Variants in SFRP5 observed in about 807,000 individuals in gnomAD.
SFRP5 encodes the protein secreted frizzled related protein 5.
SFRP5 carries 22 observed loss-of-function variants against 27.0 expected under a neutral mutation model. That is an observed-to-expected ratio of 0.82 (90% CI 0.58 to 1.17). The LOEUF (loss-of-function observed/expected upper bound fraction) is 1.17. SFRP5 is among the 50% of genes most tolerant of loss of function. SFRP5 has a pLI of 0.00. For missense variants in SFRP5, 406 were observed against 436.6 expected, an observed-to-expected ratio of 0.93 and a Z score of 0.63; for synonymous variants, 171 against 195.0, an observed-to-expected ratio of 0.88 and a Z score of 1.03.
At position 97,767,679 on chromosome 10, in the gene SFRP5, G is replaced by A; in HGVS notation, c.789C>T (p.Gly263=). The change falls in exon 3 of 3, where the codon GGC becomes GGT. Residue 263 remains glycine, a synonymous_variant. Transcript: ENST00000266066. ...CPCPQLDSLA[G]SFLVMGRKVD... is the part of the protein sequence containing the mutation. ...CTTTGCGGCCCATGACCAGGAAGCT[G>A]CCCGCCAGGCTGTCCAGCTGTGGGC... is the stretch of plus-strand genomic sequence containing the variant. The A allele has an allele frequency of 6.2e-7, 1 of 1,614,116 alleles. No homozygotes were observed. Among genetic ancestry groups the A allele is most frequent in the Non-Finnish European group, 8.5e-7 (1 of 1,180,042 alleles).
intron 2 of SFRP5, among the ~76,000 whole-genome samples, chr10:97,769,062 T>C (rs2049501302): frequency 6.6e-6 from 1 of 152,196 alleles, no homozygotes; most frequent in South Asian, 2.1e-4. Context: ...TTTCTTTTTT[T>C]ATAGACAGGG....
chr10:97,770,399 G>C (rs764404130), intron 1 of SFRP5, among the ~76,000 whole-genome samples: 3 of 152,184 alleles, frequency 2.0e-5, no homozygotes, highest in Admixed American at 6.5e-5. Flanking sequence ...AAAGGGAACC[G>C]AGGCCCAGAG....
chr10:97,771,479 G>C lies in SFRP5; in HGVS notation c.355C>G (p.Arg119Gly), dbSNP rs940184823. 1 of 1,612,036 alleles carries C rather than the reference G, an allele frequency of 6.2e-7. No individual in the cohort carries two copies. Among genetic ancestry groups the C allele is most frequent in the South Asian group, 1.1e-5 (1 of 90,978 alleles). ...CSLFAPVCLD[R>G]PIYPCRSLCE... ...AGCGAGCGGCACGGGTAGATGGGCC[G>C]GTCGAGACAGACGGGCGCAAAGAGC... is the stretch of plus-strand genomic sequence containing the variant. Residue 119 changes from arginine (R) to glycine (G), a missense_variant, in exon 1 of 3, where the codon CGG becomes GGG. Coordinates refer to ENST00000266066, the MANE Select transcript of SFRP5 (RefSeq NM_003015.3). This position sits in a 1 kb window ranked among gnomAD's most constrained non-coding sequence, Gnocchi z 5.2.
At chr10:97,769,156 G>A (rs751149918) in intron 2 of SFRP5, among the ~76,000 whole-genome samples, 1 of 152,312 alleles carries the variant, frequency 6.6e-6, no homozygotes, top group East Asian at 1.9e-4. Context: ...GGTCCTGACC[G>A]GACTTGGCTG....
In SFRP5 at chr10:97,771,206, G is replaced by T; in HGVS notation, c.529+99C>A. On this transcript the variant is annotated intron_variant, in intron 1 of 2. Coordinates refer to ENST00000266066, the MANE Select transcript of SFRP5 (RefSeq NM_003015.3). The surrounding 1 kb of genome is among the most constrained non-coding windows in gnomAD (Gnocchi z 5.2). Reference sequence around the variant, plus strand: ...GGACAGCGTGTGTGTGTGTGTGTGGGCGGAGGGGGGGAGCTGCACCTCTTG... The same window carrying T: ...GGACAGCGTGTGTGTGTGTGTGTGGTCGGAGGGGGGGAGCTGCACCTCTTG... The T allele has an allele frequency of 1.5e-6, 1 of 684,424 alleles. No homozygotes were observed. The highest frequency in any genetic ancestry group is 2.4e-6 in the Non-Finnish European group (1 of 410,756). 42.4% of individuals were successfully genotyped at this position (684,424 alleles called of 1,614,324 possible). A position where few individuals can be genotyped will look rare whatever the true frequency, so the allele number is the denominator to read the frequency against.
At chr10:97,769,791 G>T (rs1238901720) in intron 1 of SFRP5, 46 bp from the exon 2 acceptor site, 16 of 1,436,924 alleles carry the variant, frequency 1.1e-5, no homozygotes, top group Non-Finnish European at 1.4e-5. Flanking sequence ...TTGGTGAGGG[G>T]ATTGGAGTTC....
chr10:97,767,898 C>A, intron 2 of SFRP5, 38 bp from the exon 3 acceptor site: 1 of 1,456,630 alleles, frequency 6.9e-7, no homozygotes, highest in South Asian at 1.4e-5. Context: ...TGGGAATGGT[C>A]AGATCTGTGT....
intron 2 of SFRP5, 21 bp downstream of exon 2, chr10:97,769,647 C>T (rs1439197012): frequency 3.2e-6 from 5 of 1,568,680 alleles, no homozygotes; most frequent in Non-Finnish European, 4.4e-6. Context: ...GGGGCAGTGG[C>T]AGCGTGGGCC....
chr10:97,771,194 G>T lies in SFRP5; in HGVS notation c.529+111C>A, dbSNP rs2136473536. 1.5e-6 allele frequency: 1 copy of T among 651,506 alleles called. No homozygotes were observed. The allele number at this position is 651,506 out of a possible 1,614,324, so 40.4% of individuals were successfully genotyped here. A position where few individuals can be genotyped will look rare whatever the true frequency, so the allele number is the denominator to read the frequency against. The stretch of plus-strand genomic sequence containing the variant: ...TGGGCTGAGCTAGGACAGCGTGTGT[G>T]TGTGTGTGTGGGCGGAGGGGGGGAG... On this transcript the variant is annotated intron_variant, in intron 1 of 2. Transcript: ENST00000266066. This position sits in a 1 kb window ranked among gnomAD's most constrained non-coding sequence, Gnocchi z 5.2.
intron 1 of SFRP5, among the ~76,000 whole-genome samples, chr10:97,770,538 T>G (rs1201389024): frequency 7.0e-6 from 1 of 143,480 alleles, no homozygotes; most frequent in Non-Finnish European, 1.5e-5. Context: ...TTCAGGGGAC[T>G]GAGGGGTGGG....
chr10:97,767,265 C>T lies in SFRP5; in HGVS notation c.*249G>A. The T allele has an allele frequency of 2.4e-6, 1 of 419,876 alleles. No homozygotes were observed. Among genetic ancestry groups the T allele is most frequent in the Non-Finnish European group, 4.2e-6 (1 of 237,420 alleles). The allele number at this position is 419,876 out of a possible 1,614,324, so 26.0% of individuals were successfully genotyped here. A position where few individuals can be genotyped will look rare whatever the true frequency, so the allele number is the denominator to read the frequency against. On this transcript the variant is annotated 3_prime_UTR_variant, in exon 3 of 3. Transcript: ENST00000266066. ...CCCTTACCCTCTCCTCCCCTGCCTA[C>T]TTTCTGAGACCCTGAGGTCTTCACC...
At chr10:97,768,463 C>A (rs2049497693) in intron 2 of SFRP5, among the ~76,000 whole-genome samples, 1 of 152,106 alleles carries the variant, frequency 6.6e-6, no homozygotes, top group Non-Finnish European at 1.5e-5. Flanking sequence ...CATTGACATC[C>A]ATGGGGTAAA....
At position 97,767,657 on chromosome 10, in the gene SFRP5, T is replaced by C. The variant is rs878891301; in HGVS notation, c.811A>G (p.Lys271Glu). 4 of 1,613,986 alleles carry C rather than the reference T, an allele frequency of 2.5e-6. No individual in the cohort carries two copies. Among genetic ancestry groups the C allele is most frequent in the South Asian group, 2.2e-5 (2 of 91,082 alleles). ...ATGAGCAGCAGCTGTCCATCCACTT[T>C]GCGGCCCATGACCAGGAAGCTGCCC... Reference protein sequence around the residue: ...LAGSFLVMGRKVDGQLLLMAV... With the variant: ...LAGSFLVMGREVDGQLLLMAV... Residue 271 changes from lysine to glutamate, a missense_variant, in exon 3 of 3, where the codon AAA becomes GAA. Coordinates refer to ENST00000266066, the MANE Select transcript of SFRP5 (RefSeq NM_003015.3).
chr10:97,767,996 C>T (rs372661768), intron 2 of SFRP5, 136 bp from the exon 3 acceptor site: 22 of 563,382 alleles, frequency 3.9e-5, no homozygotes, highest in East Asian at 2.6e-4. Context: ...GGGTGGAGCT[C>T]GTAGGGCACA....
Position 97,767,506 on chromosome 10 carries a change from A to C in SFRP5, c.*8T>G. ...AGGCACAGCTGGCAGGGCAAGGAGGAGTGCCCTTCAGTGGGGCTCTGCCGC... is the reference window on the plus strand; with the variant it reads ...AGGCACAGCTGGCAGGGCAAGGAGGCGTGCCCTTCAGTGGGGCTCTGCCGC... On this transcript the variant is annotated 3_prime_UTR_variant, in exon 3 of 3. Coordinates refer to ENST00000266066, the MANE Select transcript of SFRP5 (RefSeq NM_003015.3). 6.3e-7 allele frequency: 1 copy of C among 1,579,412 alleles called. No individual in the cohort carries two copies.
chr10:97,769,367 T>G (rs1312423608), intron 2 of SFRP5, among the ~76,000 whole-genome samples: 1 of 152,086 alleles, frequency 6.6e-6, no homozygotes, highest in Non-Finnish European at 1.5e-5. Flanking sequence ...GATGATCCAG[T>G]CATGGAGGGC....
chr10:97,767,552 A>G lies in SFRP5; in HGVS notation c.916T>C (p.Tyr306His), dbSNP rs748608205. 31 of 1,613,074 alleles carry G rather than the reference A, an allele frequency of 1.9e-5. No homozygotes were observed. The South Asian group carries it at 2.1e-4, about 11-fold the overall frequency. ...GCCGCCCCGTAGAAGAAAGGGTAGT[A>G]GAGGGAGCAGGGGTAGGAGAACATG... ...KFMFSYPCSL[Y>H]YPFFYGAAEP... is the part of the protein sequence containing the mutation. The change falls in exon 3 of 3, where the codon TAC becomes CAC. Residue 306 changes from tyrosine to histidine, a missense_variant. Coordinates refer to ENST00000266066, the MANE Select transcript of SFRP5 (RefSeq NM_003015.3).
chr10:97,767,577 G>T lies in SFRP5; in HGVS notation c.891C>A (p.Phe297Leu), dbSNP rs2049491663. ...AGAGGGAGCAGGGGTAGGAGAACAT[G>T]AATTTGACTGCAAACTTCATCTCCT... The part of the protein sequence containing the change: ...KNKEMKFAVK[F>L]MFSYPCSLYY... The change falls in exon 3 of 3, where the codon TTC (phenylalanine) becomes TTA (leucine). Residue 297 changes from phenylalanine (F) to leucine (L), a missense_variant. Phe to Leu is a conservative substitution (Grantham distance 22, BLOSUM62 0). Coordinates refer to ENST00000266066, the MANE Select transcript of SFRP5 (RefSeq NM_003015.3). The T allele has an allele frequency of 6.2e-7, 1 of 1,613,524 alleles. No individual in the cohort carries two copies. The highest frequency in any genetic ancestry group is 1.3e-5 in the African/African-American group (1 of 75,070).
In SFRP5 at chr10:97,771,815, CCG is replaced by C; in HGVS notation, c.17_18del (p.Ala6GlyfsTer49). The C allele has an allele frequency of 2.9e-5, 35 of 1,190,246 alleles. No homozygotes were observed. Among genetic ancestry groups the C allele is most frequent in the East Asian group, 1.5e-4 (4 of 26,994 alleles). 73.7% of individuals were successfully genotyped at this position (1,190,246 alleles called of 1,614,324 possible). On this transcript the variant is annotated frameshift_variant, in exon 1 of 3. Coordinates refer to ENST00000266066, the MANE Select transcript of SFRP5 (RefSeq NM_003015.3). LOFTEE classifies it high-confidence loss of function. This position sits in a 1 kb window ranked among gnomAD's most constrained non-coding sequence, Gnocchi z 5.2. The part of the protein sequence containing the change: MRAAA[A>X]GGGVRTAALA... ...AGCGCGGCCGTCCGCACGCCCCCCCCCGCCGCCGCCGCCCGCATGGCTGCGCC... is the reference window on the plus strand; with the variant it reads ...AGCGCGGCCGTCCGCACGCCCCCCCCCCGCCGCCGCCCGCATGGCTGCGCC...
Sources: gnomAD v4.1 joint callset for allele counts (sites outside exome capture counted in the v4.1 genomes callset) on GRCh38, gnomAD v4.1.1 for gene constraint, Gnocchi (gnomAD v3.1) non-coding constraint, MANE v1.5 for transcripts, NCBI Gene and HGNC (gene_info 2026-07-23, HGNC 2026-07-21) for gene names.